Variants in COL6A5 observed in about 807,000 individuals in gnomAD.
COL6A5 encodes the protein collagen type VI alpha 5 chain, also known as collagen alpha-5(VI) chain.
A neutral mutation model predicts 65.6 loss-of-function variants in COL6A5; 48 were observed. The observed-to-expected ratio is 0.73, with a 90% CI of 0.58 to 0.93. The LOEUF is 0.93. COL6A5 is among the 40% of genes least tolerant of loss of function. The pLI, the probability that COL6A5 is intolerant of heterozygous loss-of-function variation, is 0.00. For missense variants in COL6A5, 914 were observed against 928.3 expected (o/e 0.98, Z 0.20); for synonymous variants, 291 against 322.8 (o/e 0.90, Z 1.05).
chr3:130,449,926 C>T (rs974750761), intron 4 of COL6A5, among the ~76,000 whole-genome samples: 5 of 152,038 alleles, frequency 3.3e-5, no homozygotes, highest in Non-Finnish European at 7.4e-5. Context: ...ACACCAGGCC[C>T]ACCGAACCTT....
intron 20 of COL6A5, 95 bp from the exon 21 acceptor site, chr3:130,413,450 C>T: frequency 8.5e-7 from 1 of 1,171,740 alleles, no homozygotes; most frequent in South Asian, 1.3e-5. Context: ...CTGCTCATTA[C>T]TTATGTCTAG....
exon 6 of COL6A5, chr3:130,388,990 A>G (rs143333949): frequency 8.4e-6 from 13 of 1,548,884 alleles, no homozygotes; most frequent in East Asian, 2.4e-5. Context: ...AGATGTGACC[A>G]TCTTCTCTGT....
chr3:130,353,262 T>G (rs1934787690), intron 1 of COL6A5, among the ~76,000 whole-genome samples: 1 of 152,170 alleles, frequency 6.6e-6, no homozygotes, highest in Admixed American at 6.5e-5. Flanking sequence ...CTGTCTTTCC[T>G]CAACTTTACT....
At chr3:130,457,350 T>TA (rs1371517756) in intron 5 of COL6A5, among the ~76,000 whole-genome samples, 1 of 152,070 alleles carries the variant, frequency 6.6e-6, no homozygotes, top group African/African-American at 2.4e-5. Flanking sequence ...GAAAGACAGA[T>TA]ATGACTGGAT....
rs555579077 is a variant in COL6A5, at chr3:130,444,492, C to A, written c.1332+926C>A. 2.0e-5 allele frequency among the ~76,000 whole-genome samples: 3 copies of A among 152,248 alleles called. No homozygotes were observed. The South Asian group carries it at 6.2e-4, about 32-fold the overall frequency. On this transcript the variant is annotated intron_variant, in intron 4 of 7. Transcript: ENST00000512836. ...CTAATAAATGTCCATGAAATCTTCA[C>A]AATCCACGTTCTTCCGCCATGGCTT...
At chr3:130,400,842 C>T (rs1559880915) in intron 10 of COL6A5, among the ~76,000 whole-genome samples, 189 bp from the exon 11 acceptor site, 1 of 152,192 alleles carries the variant, frequency 6.6e-6, no homozygotes, top group Non-Finnish European at 1.5e-5. Flanking sequence ...AGAGCTGGTG[C>T]ATATTCAGAA....
At chr3:130,387,160 A>G (rs1936220915) in intron 5 of COL6A5, among the ~76,000 whole-genome samples, 1 of 152,006 alleles carries the variant, frequency 6.6e-6, no homozygotes, top group Non-Finnish European at 1.5e-5. Flanking sequence ...GGAGCCTACC[A>G]CACTCAACTG....
chr3:130,469,359 A>G, exon 6 of COL6A5: 1 of 1,612,890 alleles, frequency 6.2e-7, no homozygotes, highest in Non-Finnish European at 8.5e-7. Flanking sequence ...CACAATGACA[A>G]AGAATTAGAA....
upstream of COL6A5, among the ~76,000 whole-genome samples, chr3:130,427,560 G>C (rs7647248): frequency 0.033 from 4,968 of 152,070 alleles, 106 homozygotes; most frequent in South Asian, 0.089. Context: ...CATATTTTAG[G>C]GGTAGAGGAA....
At chr3:130,375,395 G>T (rs1179233826) in intron 2 of COL6A5, among the ~76,000 whole-genome samples, 2 of 152,090 alleles carry the variant, frequency 1.3e-5, no homozygotes, top group South Asian at 2.1e-4. Flanking sequence ...AGAGCCCCTT[G>T]CAGAGCAGGT....
exon 6 of COL6A5, chr3:130,388,956 T>TC: frequency 7.8e-6 from 12 of 1,547,330 alleles, no homozygotes; most frequent in Non-Finnish European, 1.0e-5. Flanking sequence ...ATGTGAGAGA[T>TC]CCTGCTAGAA....
At chr3:130,394,642 A>G (rs1217948345) in intron 7 of COL6A5, among the ~76,000 whole-genome samples, 1 of 152,032 alleles carries the variant, frequency 6.6e-6, no homozygotes, top group Non-Finnish European at 1.5e-5. Context: ...TCTTTCTCTG[A>G]TTAGCTTTCA....
chr3:130,422,999 A>G (rs745826213), intron 28 of COL6A5, among the ~76,000 whole-genome samples: 6 of 152,126 alleles, frequency 3.9e-5, no homozygotes, highest in East Asian at 1.9e-4. Flanking sequence ...CTAAAAGTTT[A>G]TGGTTCAATG....
rs2201717 is a variant in COL6A5 at position 130,440,486 on chromosome 3, C to T, written c.904C>T (p.Gln302Ter). ...GAAGAATCACATCCAGACTTCCTTC[C>T]AACAGCTAAATGGAGAAGCAACAAT... Residue 302 changes from glutamine to a stop codon, truncating the protein, a stop_gained, in exon 3 of 8, where the codon CAA (glutamine) becomes TAA (stop). Transcript: ENST00000512836. LOFTEE classifies it high-confidence loss of function. The T allele has an allele frequency of 0.012, 19,138 of 1,613,652 alleles. 440 individuals are homozygous for T. Among genetic ancestry groups the T allele is most frequent in the Admixed American group, 0.1 (5,970 of 59,978 alleles).
chr3:130,391,302 G>T lies in COL6A5; in HGVS notation c.2540G>T (p.Gly847Val), dbSNP rs1335623958. The T allele has an allele frequency of 1.9e-6, 3 of 1,551,644 alleles. No homozygotes were observed. The East Asian group carries it at 7.3e-5, about 38-fold the overall frequency. ...CATTTGGTGAAGAAAGCAGATGTTG[G>T]CAGGGACCGAGTTCAGTTTGGAGCC... is the stretch of plus-strand genomic sequence containing the variant. Residue 847 changes from glycine to valine, a missense_variant and NMD_transcript_variant, in exon 7 of 42, where the codon GGC becomes GTC. Physicochemically the swap from Gly to Val is moderately radical, Grantham distance 109. Transcript: ENST00000312481.
chr3:130,358,976 C>T (rs1375412650), intron 1 of COL6A5, among the ~76,000 whole-genome samples: 1 of 152,056 alleles, frequency 6.6e-6, no homozygotes, highest in East Asian at 1.9e-4. Flanking sequence ...AAGTACTATG[C>T]AGCTGTTAAG....
At chr3:130,390,342 C>G (rs1007921075) in intron 6 of COL6A5, among the ~76,000 whole-genome samples, 1 of 152,046 alleles carries the variant, frequency 6.6e-6, no homozygotes, top group African/African-American at 2.4e-5. Context: ...ACAGATACAG[C>G]CTGGGGACAT....
At chr3:130,430,004 C>A (rs1211722273), upstream of COL6A5, among the ~76,000 whole-genome samples, 9 of 152,292 alleles carry the variant, frequency 5.9e-5, no homozygotes, top group East Asian at 1.7e-3. Context: ...TACTTGTAAA[C>A]CTTTCCTGCC....
chr3:130,408,977 T>C (rs1368578005), intron 17 of COL6A5, among the ~76,000 whole-genome samples: 1 of 152,200 alleles, frequency 6.6e-6, no homozygotes, highest in Non-Finnish European at 1.5e-5. Context: ...GAAATTCTGC[T>C]CTTTAGTGGC....
Sources: gnomAD v4.1 joint callset for allele counts (sites outside exome capture counted in the v4.1 genomes callset) on GRCh38, gnomAD v4.1.1 for gene constraint, MANE v1.5 for transcripts, NCBI Gene and HGNC (gene_info 2026-07-23, HGNC 2026-07-21) for gene names.